Variants in CRYBB2 observed in about 807,000 individuals in gnomAD.
CRYBB2 encodes beta-crystallin B2.
Under a neutral mutation model 24.3 loss-of-function variants are expected in CRYBB2, and 12 were observed. The ratio of observed to expected loss-of-function variants is 0.49; its 90% confidence interval spans 0.32 to 0.80. The LOEUF is 0.80. Ranked by LOEUF, CRYBB2 falls within the 30% of genes least tolerant of loss-of-function variation. The probability of loss-of-function intolerance (pLI) is 0.04; values close to 1 mark genes in which losing one functional copy is unlikely to be tolerated. For synonymous variants in CRYBB2, 98 were observed against 101.6 expected (o/e 0.96, Z 0.21); for missense variants, 198 against 268.5 (o/e 0.74, Z 1.83).
chr22:25,217,659 C>T (rs113590556), upstream of CRYBB2, among the ~76,000 whole-genome samples: 25 of 152,302 alleles, frequency 1.6e-4, no homozygotes, highest in African/African-American at 5.8e-4. Context: ...GCGTCAGGCA[C>T]TGGGCTCTGG....
chr22:25,230,879 A>C (rs1251537377), intron 5 of CRYBB2, among the ~76,000 whole-genome samples: 1 of 151,864 alleles, frequency 6.6e-6, no homozygotes, highest in Admixed American at 6.6e-5. Context: ...TCTTGAGCTG[A>C]GATCTCAAGG....
intron 1 of CRYBB2, among the ~76,000 whole-genome samples, chr22:25,220,835 G>C (rs1321786391): frequency 6.6e-6 from 1 of 152,134 alleles, no homozygotes. Context: ...TGTGGGTTCT[G>C]TATCAGATGA....
upstream of CRYBB2, among the ~76,000 whole-genome samples, chr22:25,217,564 G>A (rs1206785230): frequency 1.3e-5 from 2 of 152,022 alleles, no homozygotes; most frequent in Non-Finnish European, 2.9e-5. Flanking sequence ...TGATCCGCCT[G>A]GCTTGGCTTC....
upstream of CRYBB2, among the ~76,000 whole-genome samples, chr22:25,218,690 A>AG (rs146184218): frequency 0.18 from 14,306 of 78,480 alleles, 2,583 homozygotes; most frequent in South Asian, 0.34. Context: ...GAAAGAAAGA[A>AG]AGAGAGAGAG....
chr22:25,214,492 C>T (rs1935142083), intron 1 of CRYBB2, among the ~76,000 whole-genome samples: 1 of 152,180 alleles, frequency 6.6e-6, no homozygotes, highest in African/African-American at 2.4e-5. Context: ...TAGAAAGAAA[C>T]AGGCAGGTTG....
chr22:25,218,779 GAAGAAAGA>G (rs1168197356), upstream of CRYBB2, among the ~76,000 whole-genome samples: 623 of 34,436 alleles, frequency 0.018, 21 homozygotes, highest in Middle Eastern at 0.047. Flanking sequence ...GAGAGAGAGA[GAAGAAAGA>G]AAGAAAGAAA....
chr22:25,216,063 G>A (rs2146081788), upstream of CRYBB2, among the ~76,000 whole-genome samples: 1 of 152,290 alleles, frequency 6.6e-6, no homozygotes, highest in Non-Finnish European at 1.5e-5. Flanking sequence ...TATGGACAGT[G>A]CCTGACTCAT....
intron 3 of CRYBB2, among the ~76,000 whole-genome samples, chr22:25,226,862 C>T (rs552198915): frequency 2.2e-4 from 33 of 152,288 alleles, no homozygotes; most frequent in African/African-American, 6.5e-4. Flanking sequence ...TTAGTAGAGA[C>T]GGAGTTTCAC....
upstream of CRYBB2, among the ~76,000 whole-genome samples, chr22:25,214,914 G>C (rs1468058235): frequency 6.6e-6 from 1 of 152,152 alleles, no homozygotes; most frequent in Non-Finnish European, 1.5e-5. Flanking sequence ...GTAAAAATAG[G>C]AATAATAAAC....
At chr22:25,217,115 T>G (rs1270151306), upstream of CRYBB2, among the ~76,000 whole-genome samples, 1 of 152,168 alleles carries the variant, frequency 6.6e-6, no homozygotes, top group Non-Finnish European at 1.5e-5. Context: ...TTCCCTGCTT[T>G]CAATTCTTTG....
chr22:25,230,134 C>G (rs1454344228), intron 5 of CRYBB2, among the ~76,000 whole-genome samples: 1 of 150,454 alleles, frequency 6.6e-6, no homozygotes, highest in Admixed American at 6.7e-5. Context: ...CTGGAAACAG[C>G]TTATACCAGC....
chr22:25,231,245 C>A (rs1328534903), intron 5 of CRYBB2, among the ~76,000 whole-genome samples: 1 of 152,116 alleles, frequency 6.6e-6, no homozygotes, highest in Non-Finnish European at 1.5e-5. Flanking sequence ...TGGGATAGGA[C>A]TGGAGGGAGA....
At chr22:25,231,497 C>A in intron 5 of CRYBB2, 107 bp from the exon 6 acceptor site, 3 of 1,102,540 alleles carry the variant, frequency 2.7e-6, no homozygotes, top group East Asian at 2.4e-5. Context: ...AGGCTTCACC[C>A]TTCCTAGTGG....
At chr22:25,217,644 A>C (rs974140776), upstream of CRYBB2, among the ~76,000 whole-genome samples, 1 of 152,278 alleles carries the variant, frequency 6.6e-6, no homozygotes, top group Admixed American at 6.5e-5. Flanking sequence ...ACAAGTACCT[A>C]CTATGCGTCA....
intron 1 of CRYBB2, among the ~76,000 whole-genome samples, chr22:25,214,158 G>A (rs1241836901): frequency 6.6e-6 from 1 of 152,160 alleles, no homozygotes; most frequent in Non-Finnish European, 1.5e-5. Flanking sequence ...GGACAACACA[G>A]TAAGACCCTA....
Position 25,231,344 on chromosome 22 carries a change from GT to G in CRYBB2, c.450-259del, listed in dbSNP as rs1313491570. Among the ~76,000 whole-genome samples the G allele has an allele frequency of 2.4e-5, 3 of 122,842 alleles. No homozygotes were observed. The East Asian group carries it at 9.4e-4, about 39-fold the overall frequency. The allele number at this position is 122,842 out of a possible 152,430, so 80.6% of individuals were successfully genotyped here. On this transcript the variant is annotated intron_variant, in intron 5 of 5. Transcript: ENST00000398215. ...CCCCAGTACAGTACAGTACAGTACAGTACAGTACAGGCCTTCAGTCAAAATT... is the reference window on the plus strand; with the variant it reads ...CCCCAGTACAGTACAGTACAGTACAGACAGTACAGGCCTTCAGTCAAAATT...
upstream of CRYBB2, chr22:25,219,405 C>G (rs776971986): frequency 2.0e-5 from 3 of 152,328 alleles, no homozygotes; most frequent in Non-Finnish European, 2.9e-5. Context: ...CTGATGCATG[C>G]AAAGCGGGCA....
intron 5 of CRYBB2, 128 bp downstream of exon 5, chr22:25,229,706 C>T: frequency 3.9e-6 from 5 of 1,295,238 alleles, no homozygotes; most frequent in Non-Finnish European, 4.3e-6. Flanking sequence ...CCTCTGGCTT[C>T]CCACTGGAAA....
intron 1 of CRYBB2, among the ~76,000 whole-genome samples, chr22:25,220,616 G>A (rs1935302196): frequency 6.6e-6 from 1 of 152,182 alleles, no homozygotes; most frequent in Non-Finnish European, 1.5e-5. Context: ...CTGGAAGCTG[G>A]CGTTATCTCT....
Sources: allele counts gnomAD v4.1 joint callset (sites outside exome capture counted in the v4.1 genomes callset), GRCh38; gene constraint gnomAD v4.1.1; transcripts MANE v1.5; gene names NCBI Gene and HGNC (gene_info 2026-07-23, HGNC 2026-07-21).